Variants in MLXIPL observed in about 807,000 individuals in gnomAD.
MLXIPL encodes the protein MLX interacting protein like.
A neutral mutation model predicts 81.5 loss-of-function variants in MLXIPL; 49 were observed. The observed-to-expected ratio is 0.60, with a 90% confidence interval of 0.48 to 0.76. MLXIPL has a LOEUF of 0.76. MLXIPL is among the 30% of genes least tolerant of loss of function. The pLI is 0.00. For synonymous variants in MLXIPL, 466 were observed against 485.5 expected, an observed-to-expected ratio of 0.96 and a Z score of 0.53; for missense variants, 1,053 against 1,167.0, an observed-to-expected ratio of 0.90 and a Z score of 1.42.
At chr7:73,614,186 C>T (rs2116438417) in intron 2 of MLXIPL, among the ~76,000 whole-genome samples, 1 of 152,244 alleles carries the variant, frequency 6.6e-6, no homozygotes. Flanking sequence ...CACTGCACTC[C>T]AGCATGGGCA....
At chr7:73,612,633 C>T (rs1795763656) in intron 2 of MLXIPL, among the ~76,000 whole-genome samples, 1 of 146,024 alleles carries the variant, frequency 6.8e-6, no homozygotes, top group African/African-American at 2.5e-5. Flanking sequence ...CAGAGTGAGA[C>T]CCCCATCTCA....
chr7:73,634,080 G>A, the MLXIPL span, among the ~76,000 whole-genome samples: 1 of 152,320 alleles, frequency 6.6e-6, no homozygotes, highest in Admixed American at 6.5e-5. Flanking sequence ...CTGGCGGCAA[G>A]TTGGGAAGTC....
At chr7:73,628,178 G>A (rs915565826), upstream of MLXIPL, among the ~76,000 whole-genome samples, 7 of 151,944 alleles carry the variant, frequency 4.6e-5, no homozygotes, top group East Asian at 1.9e-4. Context: ...TCTGCTGGCC[G>A]TGTCTCCAGA....
In MLXIPL at chr7:73,596,424, C is replaced by T. The variant is rs61738649; in HGVS notation, c.1878G>A (p.Leu626=). Residue 626 remains leucine (L), a synonymous_variant, in exon 12 of 17, where the codon CTG becomes CTA. Coordinates refer to ENST00000313375, the MANE Select transcript of MLXIPL (RefSeq NM_032951.3). This position sits in a 1 kb window ranked among gnomAD's most constrained non-coding sequence, Gnocchi z 4.7. ...GTTGCGGGGGAGAGACACGGACGCT[C>T]AGAGTCCCAGGGCCTGGCATGGAGC... ...DLSSMPGPGT[L]SVRVSPPQPI... is the part of the protein sequence containing the mutation. The T allele has an allele frequency of 0.058, 93,448 of 1,612,796 alleles. 3,002 individuals are homozygous for T. The highest frequency in any genetic ancestry group is 0.069 in the Non-Finnish European group (81,904 of 1,179,936).
In MLXIPL at chr7:73,596,220, T is replaced by C. The variant is rs1794282168; in HGVS notation, c.1991A>G (p.Asn664Ser). The C allele has an allele frequency of 6.2e-7, 1 of 1,613,584 alleles. No homozygotes were observed. Among genetic ancestry groups the C allele is most frequent in the East Asian group, 2.2e-5 (1 of 44,846 alleles). Residue 664 changes from asparagine to serine, a missense_variant, in exon 13 of 17, where the codon AAC becomes AGC. Around this residue, in one of 3 missense-constraint regions of MLXIPL, gnomAD observed 823 missense variants for 933.0 expected, o/e 0.88. Coordinates refer to ENST00000313375, the MANE Select transcript of MLXIPL (RefSeq NM_032951.3). The surrounding 1 kb of genome is among the most constrained non-coding windows in gnomAD (Gnocchi z 4.7). ...AAGGGTGTCAAACCCCAGCTTGATG[T>C]TGAAGCGCCGCTTCTGCTCCGCGGA... ...HISAEQKRRF[N>S]IKLGFDTLHG...
At chr7:73,625,413 C>T (rs1290291212), upstream of MLXIPL, among the ~76,000 whole-genome samples, 1 of 152,186 alleles carries the variant, frequency 6.6e-6, no homozygotes, top group African/African-American at 2.4e-5. Context: ...GGTAATGCCC[C>T]TGAAGGGCCT....
At position 73,606,091 on chromosome 7, in the gene MLXIPL, C is replaced by T. The variant is rs540378895; in HGVS notation, c.639G>A (p.Pro213=). 5.5e-5 allele frequency: 87 copies of T among 1,581,568 alleles called. No individual in the cohort carries two copies. The highest frequency in any genetic ancestry group is 9.1e-5 in the Admixed American group (5 of 54,890). The change falls in exon 6 of 17, where the codon CCG becomes CCA. Residue 213 remains proline, a synonymous_variant. Coordinates refer to ENST00000313375, the MANE Select transcript of MLXIPL (RefSeq NM_032951.3). ...APKQAEGRWP[P]PEQWCKQLFS... Reference sequence around the variant, plus strand: ...AGAGCTGTTTGCACCATTGCTCCGGCGGCGGCCACCTGCCTTCCGCCTAGG... The same window carrying T: ...AGAGCTGTTTGCACCATTGCTCCGGTGGCGGCCACCTGCCTTCCGCCTAGG...
chr7:73,604,129 T>C (rs1243971904), intron 7 of MLXIPL, among the ~76,000 whole-genome samples: 1 of 133,548 alleles, frequency 7.5e-6, no homozygotes, highest in East Asian at 2.3e-4. Context: ...GGCACAAGAA[T>C]CGCTTGAACC....
the MLXIPL span, among the ~76,000 whole-genome samples, chr7:73,636,095 G>A: frequency 1.4e-4 from 21 of 152,296 alleles, no homozygotes; most frequent in South Asian, 4.3e-3. Context: ...AGAAGAAACT[G>A]TGCTTGAGGG....
the MLXIPL span, among the ~76,000 whole-genome samples, chr7:73,635,009 A>T: frequency 6.8e-6 from 1 of 146,814 alleles, no homozygotes. Flanking sequence ...TATTTTTAGT[A>T]GAGATTGGGT....
chr7:73,629,324 G>T (rs574680029), upstream of MLXIPL, among the ~76,000 whole-genome samples: 2 of 152,260 alleles, frequency 1.3e-5, no homozygotes, highest in Admixed American at 6.5e-5. Context: ...ACAGGAGTGA[G>T]GCACCGTGCC....
the MLXIPL span, among the ~76,000 whole-genome samples, chr7:73,643,939 A>T: frequency 5.9e-3 from 888 of 151,634 alleles, 10 homozygotes; most frequent in African/African-American, 0.02. Flanking sequence ...GCTAATTTTT[A>T]AAAATTTTTA....
the MLXIPL span, among the ~76,000 whole-genome samples, chr7:73,636,045 C>T: frequency 2.6e-5 from 4 of 152,160 alleles, no homozygotes. Context: ...CAGTTAAGGG[C>T]GGCCGGACTT....
At chr7:73,618,191 G>A (rs1222699473) in intron 1 of MLXIPL, among the ~76,000 whole-genome samples, 1 of 152,196 alleles carries the variant, frequency 6.6e-6, no homozygotes, top group African/African-American at 2.4e-5. Flanking sequence ...CCGTCTCCCA[G>A]GTTCAAATGA....
intron 1 of MLXIPL, among the ~76,000 whole-genome samples, chr7:73,621,670 T>TCTCCCTCCCTCTCCCTCC (rs1163042248): frequency 3.7e-5 from 5 of 133,900 alleles, no homozygotes; most frequent in African/African-American, 5.5e-5. Context: ...CAACCCTCCA[T>TCTCCCTCCCTCTCCCTCC]CTCCCTCCAT....
intron 2 of MLXIPL, among the ~76,000 whole-genome samples, chr7:73,608,895 T>C (rs1313565334): frequency 2.0e-5 from 3 of 152,044 alleles, no homozygotes; most frequent in Non-Finnish European, 4.4e-5. Context: ...GGCGCAATCA[T>C]AGCTCACTGA....
the MLXIPL span, among the ~76,000 whole-genome samples, chr7:73,631,048 AC>A: frequency 2.0e-5 from 3 of 149,786 alleles, no homozygotes; most frequent in African/African-American, 7.4e-5. Flanking sequence ...TTGCTCTGTC[AC>A]CCAGGCTGGA....
Position 73,605,983 on chromosome 7 carries a change from CA to C in MLXIPL, c.746del (p.Leu249CysfsTer11). On this transcript the variant is annotated frameshift_variant, in exon 6 of 17. Transcript: ENST00000313375. LOFTEE classifies it high-confidence loss of function. Reference sequence around the variant, plus strand: ...TGAAGAGAGTGTCTGAGATGTCGGACAAAAAGCAATTGAGGTCCAGGAGCTG... The same window carrying C: ...TGAAGAGAGTGTCTGAGATGTCGGACAAAAGCAATTGAGGTCCAGGAGCTG... ...GRQLLDLNCF[L>X]SDISDTLFTM... The C allele has an allele frequency of 1.3e-6, 2 of 1,592,718 alleles. No homozygotes were observed. The highest frequency in any genetic ancestry group is 8.6e-7 in the Non-Finnish European group (1 of 1,169,516).
chr7:73,605,848 C>A, intron 6 of MLXIPL, 62 bp downstream of exon 6: 1 of 1,572,768 alleles, frequency 6.4e-7, no homozygotes, highest in African/African-American at 1.3e-5. Context: ...CCATCCCTCC[C>A]TTGGCCTCCT....
Sources: gnomAD v4.1 joint callset for allele counts (sites outside exome capture counted in the v4.1 genomes callset) on GRCh38, gnomAD v4.1.1 for gene constraint, gnomAD v4.1.1 regional missense constraint, Gnocchi (gnomAD v3.1) non-coding constraint, MANE v1.5 for transcripts, NCBI Gene and HGNC (gene_info 2026-07-23, HGNC 2026-07-21) for gene names.